Variants in CTNNA1 observed in about 807,000 individuals in gnomAD.
CTNNA1 encodes the protein catenin alpha-1.
CTNNA1 carries 37 observed loss-of-function variants against 98.4 expected under a neutral mutation model. That is an observed-to-expected ratio of 0.38 (90% confidence interval 0.29 to 0.49). CTNNA1 has a LOEUF of 0.49. Ranked by LOEUF, CTNNA1 falls within the 20% of genes least tolerant of loss-of-function variation. The pLI, the probability that CTNNA1 is intolerant of heterozygous loss-of-function variation, is 0.95. For missense variants in CTNNA1, 761 were observed against 1,147.2 expected, an observed-to-expected ratio of 0.66 and a Z score of 4.86; for synonymous variants, 404 against 413.2, an observed-to-expected ratio of 0.98 and a Z score of 0.27.
intron 14 of CTNNA1, 67 bp downstream of exon 14, chr5:138,929,423 C>A (rs763850550): frequency 1.7e-5 from 13 of 786,466 alleles, no homozygotes; most frequent in Non-Finnish European, 2.5e-5. Flanking sequence ...TTTCTTGTTT[C>A]CAGGAAAACA....
chr5:138,770,779 C>T (rs910578273), intron 1 of CTNNA1, among the ~76,000 whole-genome samples: 26 of 152,026 alleles, frequency 1.7e-4, no homozygotes, highest in African/African-American at 5.3e-4. Flanking sequence ...GGTGAAACCC[C>T]GTCTCTACTA....
intron 7 of CTNNA1, chr5:138,881,125 A>C (rs927976855): frequency 5.0e-5 from 23 of 456,116 alleles, no homozygotes; most frequent in Non-Finnish European, 1.0e-4. Flanking sequence ...CTGAGGCTGG[A>C]GAGAGCAGTG....
At chr5:138,796,984 T>C (rs1248912089) in intron 3 of CTNNA1, among the ~76,000 whole-genome samples, 1 of 152,210 alleles carries the variant, frequency 6.6e-6, no homozygotes, top group Non-Finnish European at 1.5e-5. Flanking sequence ...AAAAATGAGA[T>C]TGGGGCTACA....
intron 7 of CTNNA1, among the ~76,000 whole-genome samples, chr5:138,845,252 A>G (rs1438011410): frequency 6.6e-6 from 1 of 152,212 alleles, no homozygotes; most frequent in Non-Finnish European, 1.5e-5. Flanking sequence ...TTTAGCCTCT[A>G]GACAGTGACA....
At chr5:138,787,082 G>A (rs1320642465) in intron 3 of CTNNA1, among the ~76,000 whole-genome samples, 1 of 152,266 alleles carries the variant, frequency 6.6e-6, no homozygotes, top group East Asian at 1.9e-4. Flanking sequence ...TAGGATGGGG[G>A]TTGGTAAATT....
intron 1 of CTNNA1, among the ~76,000 whole-genome samples, chr5:138,776,795 G>C (rs1190916448): frequency 7.0e-6 from 1 of 143,646 alleles, no homozygotes; most frequent in African/African-American, 2.7e-5. Context: ...CTGGCCAGGC[G>C]GGGGGCTGAC....
chr5:138,776,495 TC>T (rs1754198428), intron 1 of CTNNA1, among the ~76,000 whole-genome samples: 2 of 152,070 alleles, frequency 1.3e-5, no homozygotes. Context: ...TGCCCGCCTT[TC>T]CCCCCTTTTC....
chr5:138,917,775 C>T lies in CTNNA1; in HGVS notation c.1423C>T (p.Pro475Ser), dbSNP rs1183219056. Reference protein sequence around the residue: ...INAALALAAKPQSKLAQENMD... With the variant: ...INAALALAAKSQSKLAQENMD... The stretch of plus-strand genomic sequence containing the variant: ...TGCTGCACTGGCTTTAGCAGCAAAA[C>T]CACAGAGTAAACTGGCCCAAGAGAA... Residue 475 changes from proline to serine, a missense_variant, in exon 11 of 18, where the codon CCA (proline) becomes TCA (serine). Pro to Ser is a moderately conservative substitution (Grantham distance 74, BLOSUM62 -1). Around this residue, in one of 6 missense-constraint regions of CTNNA1, gnomAD observed 287 missense variants for 436.0 expected, o/e 0.66. Transcript: ENST00000302763. 6.2e-7 allele frequency: 1 copy of T among 1,614,146 alleles called. No homozygotes were observed. The highest frequency in any genetic ancestry group is 1.1e-5 in the South Asian group (1 of 91,074).
In CTNNA1 at chr5:138,753,487, T is replaced by C; in HGVS notation, c.-26T>C. On this transcript the variant is annotated 5_prime_UTR_variant, in exon 1 of 18. Coordinates refer to ENST00000302763, the MANE Select transcript of CTNNA1 (RefSeq NM_001903.5). ...CCGTCTGCTTCGGGCCTCTGGAATT[T>C]AGCGCTCGCCCAGCTAGCCGCAGGT... 2.7e-6 allele frequency: 1 copy of C among 376,458 alleles called. No individual in the cohort carries two copies. The highest frequency in any genetic ancestry group is 4.7e-6 in the Non-Finnish European group (1 of 211,764). 23.3% of individuals were successfully genotyped at this position (376,458 alleles called of 1,614,324 possible).
At chr5:138,805,544 T>A (rs1271426808) in intron 3 of CTNNA1, among the ~76,000 whole-genome samples, 1 of 152,114 alleles carries the variant, frequency 6.6e-6, no homozygotes, top group Non-Finnish European at 1.5e-5. Context: ...TGTTGGCCAT[T>A]TCTAAATCTT....
At chr5:138,928,906 A>G (rs1764700662) in intron 13 of CTNNA1, among the ~76,000 whole-genome samples, 1 of 151,988 alleles carries the variant, frequency 6.6e-6, no homozygotes, top group Admixed American at 6.6e-5. Flanking sequence ...ACTGCACTCC[A>G]GCCTGGGTGA....
At chr5:138,826,169 T>TA (rs991964443) in intron 6 of CTNNA1, among the ~76,000 whole-genome samples, 2 of 152,130 alleles carry the variant, frequency 1.3e-5, no homozygotes, top group African/African-American at 4.8e-5. Context: ...AATGATCAGC[T>TA]AAAATGTGTA....
intron 7 of CTNNA1, among the ~76,000 whole-genome samples, chr5:138,879,355 A>G (rs1752396115): frequency 1.3e-5 from 2 of 152,040 alleles, no homozygotes; most frequent in Non-Finnish European, 2.9e-5. Context: ...TTTGAAAGAG[A>G]AGGGAATCTT....
At chr5:138,932,996 G>A (rs1315390885) in intron 17 of CTNNA1, 1 of 765,278 alleles carries the variant, frequency 1.3e-6, no homozygotes, top group East Asian at 2.4e-5. Flanking sequence ...GACCGGGCGT[G>A]GTGGCAGGTA....
chr5:138,925,319 A>T lies in CTNNA1; in HGVS notation c.1811A>T (p.Gln604Leu), dbSNP rs765820297. 3 of 1,614,198 alleles carry T rather than the reference A, an allele frequency of 1.9e-6. No individual in the cohort carries two copies. In the South Asian group the frequency reaches 3.3e-5, roughly 18 times the overall value. Residue 604 changes from glutamine to leucine, a missense_variant, in exon 13 of 18, where the codon CAG becomes CTG. Physicochemically the swap from Gln to Leu is moderately radical, Grantham distance 113. This residue lies in a region of CTNNA1 where 287 missense variants were observed against 436.0 expected (regional missense o/e 0.66). Transcript: ENST00000302763. ...GAAGCCCTCAGCTCGGACCCTGCCC[A>T]GCCCATGGATGAGAATGAGTTTATC... is the stretch of plus-strand genomic sequence containing the variant. ...AVEALSSDPA[Q>L]PMDENEFIDA...
chr5:138,899,188 T>C (rs1757520055), intron 9 of CTNNA1, among the ~76,000 whole-genome samples: 1 of 152,182 alleles, frequency 6.6e-6, no homozygotes, highest in South Asian at 2.1e-4. Flanking sequence ...CCAAGACGGC[T>C]CATTTCCTTG....
intron 7 of CTNNA1, among the ~76,000 whole-genome samples, chr5:138,852,862 C>T (rs1322084128): frequency 1.3e-5 from 2 of 148,478 alleles, no homozygotes; most frequent in African/African-American, 2.5e-5. Context: ...CCTCTTTTCG[C>T]GCGCGCGCGC....
chr5:138,833,237 C>G (rs1418988894), intron 7 of CTNNA1, among the ~76,000 whole-genome samples: 2 of 152,192 alleles, frequency 1.3e-5, no homozygotes, highest in Non-Finnish European at 2.9e-5. Context: ...CCCAGCAGGT[C>G]ATGGTCGTGT....
At chr5:138,759,630 A>G (rs542403397) in intron 1 of CTNNA1, among the ~76,000 whole-genome samples, 2 of 152,268 alleles carry the variant, frequency 1.3e-5, no homozygotes, top group Admixed American at 1.3e-4. Flanking sequence ...ATAAGCAGCA[A>G]TCAGCAATTA....
Sources: gnomAD v4.1 joint callset for allele counts (sites outside exome capture counted in the v4.1 genomes callset) on GRCh38, gnomAD v4.1.1 for gene constraint, gnomAD v4.1.1 regional missense constraint, MANE v1.5 for transcripts, NCBI Gene and HGNC (gene_info 2026-07-23, HGNC 2026-07-21) for gene names.